TPST2: variants seen among roughly 807,000 people sequenced by gnomAD.
TPST2 encodes the protein protein-tyrosine sulfotransferase 2.
Under a neutral mutation model 27.8 loss-of-function variants are expected in TPST2, and 16 were observed. The observed-to-expected ratio is 0.58, with a 90% CI of 0.39 to 0.88. The LOEUF (loss-of-function observed/expected upper bound fraction) is 0.88. Among genes scored for constraint, TPST2 ranks in the 40% least tolerant of loss-of-function variants. The pLI, the probability that TPST2 is intolerant of heterozygous loss-of-function variation, is 0.00. For missense variants in TPST2, 464 were observed against 543.1 expected (o/e 0.85, Z 1.45); for synonymous variants, 229 against 231.7 (o/e 0.99, Z 0.10).
chr22:26,570,049 A>AAGAC (rs1569193954), intron 1 of TPST2, among the ~76,000 whole-genome samples: 2 of 96,014 alleles, frequency 2.1e-5, no homozygotes, highest in Non-Finnish European at 4.1e-5. Flanking sequence ...GAAAGACAGA[A>AAGAC]AGAAAGAAAG....
intron 1 of TPST2, among the ~76,000 whole-genome samples, chr22:26,573,021 G>C (rs933060012): frequency 1.3e-5 from 2 of 152,118 alleles, no homozygotes; most frequent in Non-Finnish European, 1.5e-5. Flanking sequence ...TCTCATCTGT[G>C]AATCGGGAGA....
intron 1 of TPST2, among the ~76,000 whole-genome samples, chr22:26,548,008 C>T (rs1926217184): frequency 6.6e-6 from 1 of 152,214 alleles, no homozygotes; most frequent in Admixed American, 6.5e-5. Flanking sequence ...CATTCTGCTG[C>T]ACCAGCTACT....
Position 26,540,743 on chromosome 22 carries a change from A to T in TPST2, c.842+46T>A, listed in dbSNP as rs1186480127. On this transcript the variant is annotated intron_variant, in intron 3 of 6. Coordinates refer to ENST00000338754, the MANE Select transcript of TPST2 (RefSeq NM_003595.5). Reference sequence around the variant, plus strand: ...CTGATTTTCTTGCCTGGCGCCTCTGACTCCAGGGCCAGAGTCTGAGTGGAA... The same window carrying T: ...CTGATTTTCTTGCCTGGCGCCTCTGTCTCCAGGGCCAGAGTCTGAGTGGAA... 5 of 1,504,350 alleles carry T rather than the reference A, an allele frequency of 3.3e-6. No individual in the cohort carries two copies. The South Asian group carries it at 6.6e-5, about 20-fold the overall frequency. 93.2% of individuals were successfully genotyped at this position (1,504,350 alleles called of 1,614,324 possible). A position where few individuals can be genotyped will look rare whatever the true frequency, so the allele number is the denominator to read the frequency against.
chr22:26,551,299 C>G (rs1000773334), intron 1 of TPST2, among the ~76,000 whole-genome samples: 2 of 152,088 alleles, frequency 1.3e-5, no homozygotes, highest in African/African-American at 4.8e-5. Flanking sequence ...AACAAACAAA[C>G]AAACAAACAA....
chr22:26,526,658 T>C (rs1924854887), intron 6 of TPST2, among the ~76,000 whole-genome samples: 1 of 152,216 alleles, frequency 6.6e-6, no homozygotes, highest in Admixed American at 6.5e-5. Flanking sequence ...GTAACAAATC[T>C]GCTTTTGTCA....
chr22:26,588,851 T>C (rs6005089), intron 1 of TPST2, among the ~76,000 whole-genome samples: 1,798 of 152,242 alleles, frequency 0.012, 34 homozygotes, highest in African/African-American at 0.041. Flanking sequence ...ATGAAAGGGT[T>C]ATCACATGGA....
intron 1 of TPST2, among the ~76,000 whole-genome samples, chr22:26,549,202 T>C (rs1240920706): frequency 6.6e-6 from 1 of 152,186 alleles, no homozygotes. Context: ...CAAATCCTTG[T>C]ATGGTGGAGA....
chr22:26,568,797 T>C (rs138745566), intron 1 of TPST2, among the ~76,000 whole-genome samples: 56 of 152,282 alleles, frequency 3.7e-4, no homozygotes, highest in Non-Finnish European at 6.2e-4. Flanking sequence ...GTCTATGCAG[T>C]AGCCATTCTA....
At chr22:26,583,555 CA>C (rs112444411) in intron 1 of TPST2, among the ~76,000 whole-genome samples, 55,390 of 137,876 alleles carry the variant, frequency 0.4, 10,844 homozygotes, top group Middle Eastern at 0.52. Context: ...TGGAGCGTGT[CA>C]AAAAAAAAAA....
At chr22:26,556,233 C>T (rs1375855648) in intron 1 of TPST2, among the ~76,000 whole-genome samples, 2 of 151,990 alleles carry the variant, frequency 1.3e-5, no homozygotes, top group African/African-American at 4.8e-5. Flanking sequence ...ATCTGTGGCA[C>T]CTAAAATGTG....
chr22:26,569,735 A>G (rs1927525628), intron 1 of TPST2, among the ~76,000 whole-genome samples: 1 of 152,040 alleles, frequency 6.6e-6, no homozygotes, highest in Non-Finnish European at 1.5e-5. Context: ...GGATCACCTG[A>G]GGTCAGGAGT....
At chr22:26,587,840 C>G (rs1441820960) in intron 1 of TPST2, among the ~76,000 whole-genome samples, 3 of 152,088 alleles carry the variant, frequency 2.0e-5, no homozygotes, top group Non-Finnish European at 4.4e-5. Context: ...CACCTATAAT[C>G]CCAGCACTTT....
At chr22:26,545,420 A>G (rs981161478) in intron 1 of TPST2, among the ~76,000 whole-genome samples, 1 of 152,240 alleles carries the variant, frequency 6.6e-6, no homozygotes, top group Non-Finnish European at 1.5e-5. Flanking sequence ...CCTGGCATGT[A>G]GCCAGAACCA....
Position 26,525,921 on chromosome 22 carries a change from G to T in TPST2, c.*354C>A, listed in dbSNP as rs989456338. ...AGGGTCAATAGGAGAGGCACAGGTTGTGGGCCTTGTCCCAGCAAACAAAGC... is the reference window on the plus strand; with the variant it reads ...AGGGTCAATAGGAGAGGCACAGGTTTTGGGCCTTGTCCCAGCAAACAAAGC... On this transcript the variant is annotated 3_prime_UTR_variant, in exon 7 of 7. Coordinates refer to ENST00000338754, the MANE Select transcript of TPST2 (RefSeq NM_003595.5). The T allele has an allele frequency of 1.1e-4, 17 of 152,224 alleles. 1 individual carries two copies. 9.4% of individuals were successfully genotyped at this position (152,224 alleles called of 1,614,324 possible).
At chr22:26,545,274 G>A (rs988197800) in intron 1 of TPST2, among the ~76,000 whole-genome samples, 3 of 152,216 alleles carry the variant, frequency 2.0e-5, no homozygotes, top group African/African-American at 4.8e-5. Context: ...TTTTACAGAT[G>A]AGAAAGCATG....
chr22:26,536,429 C>G lies in TPST2; in HGVS notation c.900G>C (p.Lys300Asn). 6.4e-7 allele frequency: 1 copy of G among 1,568,990 alleles called. No individual in the cohort carries two copies. The highest frequency in any genetic ancestry group is 8.7e-7 in the Non-Finnish European group (1 of 1,155,988). The change falls in exon 4 of 7, where the codon AAG becomes AAC. Residue 300 changes from lysine to asparagine, a missense_variant. Transcript: ENST00000338754. ...CATCCCCAGGGATGTGGCCAGTCCA[C>G]TTGGAGAGCGCTTCCAGGTTAACAG... is the stretch of plus-strand genomic sequence containing the variant. ...IKPVNLEALS[K>N]WTGHIPGDVV...
chr22:26,538,508 C>A (rs1925608403), intron 3 of TPST2, among the ~76,000 whole-genome samples: 1 of 152,196 alleles, frequency 6.6e-6, no homozygotes, highest in African/African-American at 2.4e-5. Flanking sequence ...CGTGTAGCAG[C>A]CTGTCGCACA....
intron 1 of TPST2, among the ~76,000 whole-genome samples, chr22:26,574,416 G>A (rs1927749922): frequency 6.6e-6 from 1 of 152,182 alleles, no homozygotes; most frequent in Non-Finnish European, 1.5e-5. Context: ...TCTAACTCAA[G>A]TGTGTCTGAC....
At chr22:26,588,411 T>C (rs1026730611) in intron 1 of TPST2, among the ~76,000 whole-genome samples, 1 of 152,172 alleles carries the variant, frequency 6.6e-6, no homozygotes. Flanking sequence ...GGAGTGACCA[T>C]GAAACAGCCT....
Sources: allele counts gnomAD v4.1 joint callset (sites outside exome capture counted in the v4.1 genomes callset), GRCh38; gene constraint gnomAD v4.1.1; transcripts MANE v1.5; gene names NCBI Gene and HGNC (gene_info 2026-07-23, HGNC 2026-07-21).